SSR2: variants seen among roughly 807,000 people sequenced by gnomAD.
SSR2 encodes the protein translocon-associated protein subunit beta.
Under a neutral mutation model 22.6 loss-of-function variants are expected in SSR2, and 16 were observed. The ratio of observed to expected loss-of-function variants is 0.71; its 90% CI spans 0.48 to 1.08. SSR2 has a LOEUF of 1.08. Among genes scored for constraint, SSR2 ranks in the 50% least tolerant of loss-of-function variants. The probability of loss-of-function intolerance (pLI) is 0.00; values close to 1 mark genes in which losing one functional copy is unlikely to be tolerated. For missense variants in SSR2, 171 were observed against 221.6 expected (o/e 0.77, Z 1.45); for synonymous variants, 83 against 91.2 (o/e 0.91, Z 0.51).
At chr1:156,019,231 GT>G in intron 2 of SSR2, 1 of 454,222 alleles carries the variant, frequency 2.2e-6, no homozygotes, top group South Asian at 1.6e-5. Flanking sequence ...ATAGGTCCAA[GT>G]TCATCCTTGC....
chr1:156,011,990 T>G, intron 4 of SSR2, 103 bp from the exon 5 acceptor site: 14 of 762,012 alleles, frequency 1.8e-5, no homozygotes, highest in Non-Finnish European at 2.5e-5. Context: ...CTCTATGCAT[T>G]AGAGTCTTAG....
chr1:156,019,877 A>T, intron 2 of SSR2, 136 bp downstream of exon 2: 1 of 894,374 alleles, frequency 1.1e-6, no homozygotes, highest in Non-Finnish European at 1.6e-6. Flanking sequence ...CCCGAAGTGT[A>T]TTCATTCACT....
intron 2 of SSR2, among the ~76,000 whole-genome samples, chr1:156,019,538 C>T (rs1478591449): frequency 1.3e-5 from 2 of 152,100 alleles, no homozygotes; most frequent in East Asian, 1.9e-4. Context: ...GCGTCCGCCA[C>T]CACGCCTGGC....
At chr1:156,012,882 G>A (rs532649956) in intron 4 of SSR2, 2 of 182,102 alleles carry the variant, frequency 1.1e-5, no homozygotes, top group East Asian at 2.7e-4. Context: ...CATTGCAGGG[G>A]CTTCATAAAT....
intron 5 of SSR2, 48 bp downstream of exon 5, chr1:156,011,762 G>T: frequency 6.7e-7 from 1 of 1,495,544 alleles, no homozygotes; most frequent in Non-Finnish European, 9.3e-7. Context: ...AACCAAAAGG[G>T]CATTCTCATA....
chr1:156,013,634 G>T (rs2102722100), intron 4 of SSR2: 1 of 153,526 alleles, frequency 6.5e-6, no homozygotes, highest in East Asian at 1.9e-4. Context: ...AGAAGGTATG[G>T]GAAGTAGCTT....
At chr1:156,017,773 C>CA (rs1239559163) in intron 3 of SSR2, among the ~76,000 whole-genome samples, 4 of 47,060 alleles carry the variant, frequency 8.5e-5, no homozygotes, top group African/African-American at 2.5e-4. Context: ...TTTTTTGACA[C>CA]AGAGTCTCAC....
intron 5 of SSR2, 130 bp from the exon 6 acceptor site, chr1:156,009,780 G>GTTT: frequency 1.4e-5 from 7 of 511,464 alleles, no homozygotes; most frequent in East Asian, 3.9e-5. Flanking sequence ...CAAAGTCTTA[G>GTTT]TTTTTTTTTT....
At chr1:156,014,748 GC>G in intron 4 of SSR2, 1 of 405,830 alleles carries the variant, frequency 2.5e-6, no homozygotes, top group East Asian at 4.3e-5. Context: ...CTGCATGTTG[GC>G]CAGGCTGGTC....
Position 156,011,819 on chromosome 1 carries a change from G to A in SSR2, c.432C>T (p.Ser144=), listed in dbSNP as rs753229456. 2.5e-6 allele frequency: 4 copies of A among 1,613,508 alleles called. No individual in the cohort carries two copies. Among genetic ancestry groups the A allele is most frequent in the South Asian group, 2.2e-5 (2 of 91,060 alleles). Residue 144 remains serine (S), a synonymous_variant, in exon 5 of 6, where the codon TCC becomes TCT. Transcript: ENST00000295702. The part of the protein sequence containing the change: ...LAQREFDRRF[S]PHFLDWAAFG... ...ACACTAGAAAGCTTACAAAATGAGG[G>A]GAGAATCGCCTGTCAAACTCCCGCT...
At chr1:156,019,527 GGCGTCCGCCACC>G (rs1683113684) in intron 2 of SSR2, among the ~76,000 whole-genome samples, 2 of 152,126 alleles carry the variant, frequency 1.3e-5, no homozygotes, top group African/African-American at 4.8e-5. Flanking sequence ...TGGGACTACA[GGCGTCCGCCACC>G]ACGCCTGGCT....
chr1:156,010,755 T>C (rs1030152158), intron 5 of SSR2: 6 of 152,248 alleles, frequency 3.9e-5, no homozygotes, highest in African/African-American at 1.2e-4. Context: ...TCAGGCCCCC[T>C]CTTTTCCATT....
Position 156,019,492 on chromosome 1 carries a change from C to A in SSR2, c.155+521G>T, listed in dbSNP as rs982976734. ...TTCCGCCTCCCGGGTTCAAGCGATT[C>A]TTTTGCCTCAGCCTCCCGAGTAGCT... On this transcript the variant is annotated intron_variant, in intron 2 of 5. Coordinates refer to ENST00000295702, the MANE Select transcript of SSR2 (RefSeq NM_003145.4). 2.0e-5 allele frequency among the ~76,000 whole-genome samples: 3 copies of A among 152,206 alleles called. No individual in the cohort carries two copies. The East Asian group carries it at 5.8e-4, about 29-fold the overall frequency.
At chr1:156,016,911 A>T (rs946986402) in intron 3 of SSR2, among the ~76,000 whole-genome samples, 2 of 152,222 alleles carry the variant, frequency 1.3e-5, no homozygotes, top group Non-Finnish European at 2.9e-5. Context: ...TTCTACCATT[A>T]TAAGTTCCCT....
chr1:156,011,760 G>A (rs770997747), intron 5 of SSR2, 50 bp downstream of exon 5: 11 of 1,498,402 alleles, frequency 7.3e-6, no homozygotes, highest in East Asian at 2.3e-5. Context: ...AGAACCAAAA[G>A]GGCATTCTCA....
chr1:156,014,154 C>A (rs1683019556), intron 4 of SSR2: 1 of 152,256 alleles, frequency 6.6e-6, no homozygotes, highest in Non-Finnish European at 1.5e-5. Flanking sequence ...CAGGGTCTCA[C>A]TCTGTTGCCC....
At chr1:156,014,024 G>T (rs1348128128) in intron 4 of SSR2, 2 of 152,214 alleles carry the variant, frequency 1.3e-5, no homozygotes, top group African/African-American at 4.8e-5. Context: ...TCTGGTTAAT[G>T]TTATCTCCCT....
intron 2 of SSR2, 126 bp from the exon 3 acceptor site, chr1:156,018,494 G>A (rs1161364337): frequency 8.7e-6 from 5 of 577,496 alleles, no homozygotes; most frequent in Admixed American, 2.7e-5. Context: ...GATCACCTGA[G>A]GTCAGGAGTT....
At position 156,015,054 on chromosome 1, in the gene SSR2, G is replaced by A. The variant is rs1572256872; in HGVS notation, c.270C>T (p.Ser90=). ...TGAGAGGGCGCAGGACCACAGTGTG[G>A]GAGACATTGCTAGCACTGGCTCAAG... ...WDRIAPASNV[S]HTVVLRPLKA... is the part of the protein sequence containing the mutation. Residue 90 remains serine, a synonymous_variant, in exon 4 of 6, where the codon TCC becomes TCT. Transcript: ENST00000295702. 6.2e-7 allele frequency: 1 copy of A among 1,613,778 alleles called. No individual in the cohort carries two copies. Among genetic ancestry groups the A allele is most frequent in the African/African-American group, 1.3e-5 (1 of 75,002 alleles).
Sources: gnomAD v4.1 joint callset for allele counts (sites outside exome capture counted in the v4.1 genomes callset) on GRCh38, gnomAD v4.1.1 for gene constraint, MANE v1.5 for transcripts, NCBI Gene and HGNC (gene_info 2026-07-23, HGNC 2026-07-21) for gene names.